Variants in LSAMP observed in about 807,000 individuals in gnomAD.
LSAMP encodes the protein limbic system associated membrane protein.
LSAMP carries 7 observed loss-of-function variants against 38.6 expected under a neutral mutation model. That is an observed-to-expected ratio of 0.18 (90% confidence interval 0.10 to 0.34). The LOEUF (loss-of-function observed/expected upper bound fraction) is 0.34, where lower values mean the gene tolerates loss of function less well. LSAMP is among the 10% of genes least tolerant of loss of function. The pLI, the probability that LSAMP is intolerant of heterozygous loss-of-function variation, is 1.00. For missense variants in LSAMP, 313 were observed against 420.0 expected, an observed-to-expected ratio of 0.75 and a Z score of 2.23; for synonymous variants, 154 against 166.8, an observed-to-expected ratio of 0.92 and a Z score of 0.59.
Position 115,808,620 on chromosome 3 carries a change from G to A in LSAMP, c.*1697C>T, listed in dbSNP as rs1390554314. The A allele has an allele frequency of 2.6e-5, 4 of 152,220 alleles. No individual in the cohort carries two copies. Among genetic ancestry groups the A allele is most frequent in the Non-Finnish European group, 4.4e-5 (3 of 68,050 alleles). The allele number at this position is 152,220 out of a possible 1,614,324, so 9.4% of individuals were successfully genotyped here. A position where few individuals can be genotyped will look rare whatever the true frequency, so the allele number is the denominator to read the frequency against. Reference sequence around the variant, plus strand: ...TAGATGTAAATTTAAATAGAGCAGGGAAGATGAATATCATGCAATTCTTAG... The same window carrying A: ...TAGATGTAAATTTAAATAGAGCAGGAAAGATGAATATCATGCAATTCTTAG... On this transcript the variant is annotated 3_prime_UTR_variant, in exon 7 of 7. Transcript: ENST00000490035.
intron 1 of LSAMP, among the ~76,000 whole-genome samples, chr3:116,339,246 G>T (rs2047961225): frequency 6.6e-6 from 1 of 151,508 alleles, no homozygotes; most frequent in African/African-American, 2.4e-5. Context: ...CCAGGAACTT[G>T]GTGAAACTAC....
intron 1 of LSAMP, among the ~76,000 whole-genome samples, chr3:116,232,574 G>C (rs184520241): frequency 6.6e-6 from 1 of 152,078 alleles, no homozygotes; most frequent in Non-Finnish European, 1.5e-5. Flanking sequence ...TTTTGGCTTG[G>C]CTGTGTAGCA....
intron 1 of LSAMP, among the ~76,000 whole-genome samples, chr3:116,322,337 T>C (rs2107731387): frequency 6.6e-6 from 1 of 152,304 alleles, no homozygotes; most frequent in African/African-American, 2.4e-5. Flanking sequence ...AACCATTCCA[T>C]TGAGTCATTA....
At chr3:115,931,137 C>T (rs1315769375) in intron 3 of LSAMP, among the ~76,000 whole-genome samples, 1 of 152,120 alleles carries the variant, frequency 6.6e-6, no homozygotes. Context: ...TTCCTCCTTC[C>T]ACCCGGGATT....
At chr3:116,173,991 G>T (rs1710273871) in intron 1 of LSAMP, among the ~76,000 whole-genome samples, 2 of 151,892 alleles carry the variant, frequency 1.3e-5, no homozygotes, top group Non-Finnish European at 2.9e-5. Flanking sequence ...AACTCTGACA[G>T]TTTAATTTCC....
chr3:115,920,548 A>G (rs938557448), intron 3 of LSAMP, among the ~76,000 whole-genome samples: 1 of 152,046 alleles, frequency 6.6e-6, no homozygotes, highest in African/African-American at 2.4e-5. Flanking sequence ...CATTTCTTAG[A>G]TCAGGTTTTT....
chr3:116,019,338 A>T (rs1212279409), intron 3 of LSAMP, among the ~76,000 whole-genome samples, 177 bp downstream of exon 3: 2 of 152,196 alleles, frequency 1.3e-5, no homozygotes, highest in African/African-American at 4.8e-5. Context: ...TAAATAAAAT[A>T]AAAAAGTTGC....
intron 1 of LSAMP, among the ~76,000 whole-genome samples, chr3:116,272,890 C>T (rs1349288808): frequency 6.6e-6 from 1 of 152,034 alleles, no homozygotes; most frequent in Admixed American, 6.6e-5. Context: ...GTTTTGTTTT[C>T]TATTCTTTTA....
chr3:116,175,420 C>A (rs879306969), intron 1 of LSAMP, among the ~76,000 whole-genome samples: 1 of 151,936 alleles, frequency 6.6e-6, no homozygotes, highest in African/African-American at 2.4e-5. Context: ...CTATTTGAAA[C>A]AATGGAATAT....
chr3:116,025,283 A>G (rs1331693168), intron 2 of LSAMP, among the ~76,000 whole-genome samples: 4 of 152,138 alleles, frequency 2.6e-5, no homozygotes, highest in Non-Finnish European at 5.9e-5. Flanking sequence ...TTCAGTGATA[A>G]CTACATTTGT....
At chr3:116,296,331 T>G (rs2047332321) in intron 1 of LSAMP, among the ~76,000 whole-genome samples, 1 of 152,300 alleles carries the variant, frequency 6.6e-6, no homozygotes, top group East Asian at 1.9e-4. Context: ...AGAACTATAC[T>G]GTTTGACCAC....
intron 1 of LSAMP, among the ~76,000 whole-genome samples, chr3:116,305,940 T>C (rs913842996): frequency 2.6e-5 from 4 of 151,856 alleles, no homozygotes; most frequent in Non-Finnish European, 4.4e-5. Context: ...GTGCTTTTTT[T>C]TTTTTTTTAC....
At chr3:115,923,097 C>T (rs920877679) in intron 3 of LSAMP, among the ~76,000 whole-genome samples, 3 of 152,188 alleles carry the variant, frequency 2.0e-5, no homozygotes, top group Non-Finnish European at 2.9e-5. Flanking sequence ...TTCCTGACTA[C>T]AAAAGCTGTA....
chr3:116,343,044 G>C (rs1387118499), intron 1 of LSAMP, among the ~76,000 whole-genome samples: 4 of 152,098 alleles, frequency 2.6e-5, no homozygotes, highest in African/African-American at 9.7e-5. Flanking sequence ...AACAAAGTAA[G>C]TAATGAAGTA....
intron 1 of LSAMP, among the ~76,000 whole-genome samples, chr3:116,269,567 T>TG (rs2046942179): frequency 6.6e-6 from 1 of 151,686 alleles, no homozygotes; most frequent in Non-Finnish European, 1.5e-5. Context: ...AATTCTGTTC[T>TG]ATATTCAAGC....
chr3:116,031,091 T>C (rs907379803), intron 2 of LSAMP, among the ~76,000 whole-genome samples: 2 of 152,120 alleles, frequency 1.3e-5, no homozygotes, highest in Non-Finnish European at 2.9e-5. Context: ...GCTATTAAGA[T>C]AATATGATAA....
intron 1 of LSAMP, among the ~76,000 whole-genome samples, chr3:116,238,639 A>G (rs1182950522): frequency 6.6e-6 from 1 of 152,156 alleles, no homozygotes; most frequent in Admixed American, 6.5e-5. Flanking sequence ...TCATCATGGT[A>G]GTAGAGTCTC....
Position 116,304,735 on chromosome 3 carries a change from C to A in LSAMP, c.155+140142G>T, listed in dbSNP as rs1362498780. On this transcript the variant is annotated intron_variant, in intron 1 of 6. Coordinates refer to ENST00000490035, the MANE Select transcript of LSAMP (RefSeq NM_002338.5). ...ACATCAAGAATACTATCATAATAGC[C>A]CCAGTGCCTGCTGATGTGCACTTAA... is the stretch of plus-strand genomic sequence containing the variant. 2.0e-5 allele frequency among the ~76,000 whole-genome samples: 3 copies of A among 152,114 alleles called. No individual in the cohort carries two copies. In the East Asian group the frequency reaches 5.8e-4, roughly 29 times the overall value.
intron 1 of LSAMP, among the ~76,000 whole-genome samples, chr3:116,226,841 C>T (rs912667174): frequency 6.6e-6 from 1 of 152,312 alleles, no homozygotes. Flanking sequence ...AACTGGGCTC[C>T]GTGAGTTTTC....
Sources: allele counts gnomAD v4.1 joint callset (sites outside exome capture counted in the v4.1 genomes callset), GRCh38; gene constraint gnomAD v4.1.1; transcripts MANE v1.5; gene names NCBI Gene and HGNC (gene_info 2026-07-23, HGNC 2026-07-21).